Variants in C18orf63 observed in about 807,000 individuals in gnomAD.
C18orf63 encodes the protein chromosome 18 open reading frame 63.
In C18orf63, 50 loss-of-function variants were observed where a neutral mutation model predicts 75.3. The observed-to-expected ratio is 0.66, with a 90% CI of 0.53 to 0.84. The LOEUF is 0.84. C18orf63 is among the 40% of genes least tolerant of loss of function. C18orf63 has a pLI of 0.00. For synonymous variants in C18orf63, 232 were observed against 267.6 expected, an observed-to-expected ratio of 0.87 and a Z score of 1.30; for missense variants, 732 against 800.2, an observed-to-expected ratio of 0.91 and a Z score of 1.03.
chr18:74,352,465 C>G (rs181618984), intron 11 of C18orf63, among the ~76,000 whole-genome samples: 3 of 135,634 alleles, frequency 2.2e-5, no homozygotes, highest in Admixed American at 7.3e-5. Flanking sequence ...ACTGTAAACG[C>G]TTGGCTCTTT....
chr18:74,332,362 A>G (rs1984322048), intron 7 of C18orf63, among the ~76,000 whole-genome samples: 1 of 152,084 alleles, frequency 6.6e-6, no homozygotes, highest in African/African-American at 2.4e-5. Flanking sequence ...CCATGAATGG[A>G]TTAATCCATT....
intron 11 of C18orf63, among the ~76,000 whole-genome samples, chr18:74,352,206 A>G (rs1984678164): frequency 1.3e-5 from 2 of 152,178 alleles, no homozygotes; most frequent in Admixed American, 1.3e-4. Flanking sequence ...AAATTCATAG[A>G]ATAGAAAGTA....
chr18:74,339,493 A>T (rs762495977), intron 8 of C18orf63, among the ~76,000 whole-genome samples: 12 of 152,156 alleles, frequency 7.9e-5, no homozygotes, highest in African/African-American at 1.2e-4. Flanking sequence ...TTAAAATATA[A>T]TACAAATAAA....
chr18:74,354,349 T>TA, intron 12 of C18orf63, 81 bp downstream of exon 12: 1 of 1,297,802 alleles, frequency 7.7e-7, no homozygotes, highest in South Asian at 1.5e-5. Context: ...ATGATTTCCC[T>TA]AAGATCATTT....
intron 4 of C18orf63, among the ~76,000 whole-genome samples, chr18:74,325,945 T>C (rs957074266): frequency 6.6e-6 from 1 of 152,188 alleles, no homozygotes; most frequent in African/African-American, 2.4e-5. Context: ...ACTTCCTCTT[T>C]GCATGCCAAG....
intron 11 of C18orf63, among the ~76,000 whole-genome samples, chr18:74,349,285 C>A (rs530213596): frequency 5.9e-5 from 9 of 152,186 alleles, no homozygotes; most frequent in Non-Finnish European, 1.3e-4. Context: ...AAATGTTCTT[C>A]AATCCAATTT....
Position 74,358,502 on chromosome 18 carries a change from T to G in C18orf63, c.*2055T>G, listed in dbSNP as rs1200507296. On this transcript the variant is annotated 3_prime_UTR_variant, in exon 14 of 14. Coordinates refer to ENST00000579455, the MANE Select transcript of C18orf63 (RefSeq NM_001174123.2). ...AATCAATTAAGATTTTGGTTCATTT[T>G]AAACATTGCAATTTTTGAAAGCCAA... 1.3e-5 allele frequency: 2 copies of G among 152,184 alleles called. No individual in the cohort carries two copies. The highest frequency in any genetic ancestry group is 6.5e-5 in the Admixed American group (1 of 15,284). 9.4% of individuals were successfully genotyped at this position (152,184 alleles called of 1,614,324 possible). A position where few individuals can be genotyped will look rare whatever the true frequency, so the allele number is the denominator to read the frequency against.
chr18:74,350,641 T>G (rs747952668), intron 11 of C18orf63, among the ~76,000 whole-genome samples: 25 of 152,162 alleles, frequency 1.6e-4, no homozygotes, highest in Non-Finnish European at 3.1e-4. Flanking sequence ...ATGTTTCTGT[T>G]CTAATACAAA....
At chr18:74,345,160 C>T (rs1984552236) in intron 11 of C18orf63, among the ~76,000 whole-genome samples, 1 of 152,044 alleles carries the variant, frequency 6.6e-6, no homozygotes, top group Non-Finnish European at 1.5e-5. Flanking sequence ...CATCTTTTCA[C>T]ATGTATTTTG....
chr18:74,334,454 TCTCA>T (rs370133619), intron 7 of C18orf63, among the ~76,000 whole-genome samples: 6 of 152,152 alleles, frequency 3.9e-5, no homozygotes, highest in Admixed American at 1.3e-4. Flanking sequence ...TATGCATTTC[TCTCA>T]CTCAGTAAAT....
intron 8 of C18orf63, among the ~76,000 whole-genome samples, chr18:74,340,927 C>A (rs914341361): frequency 2.0e-5 from 3 of 151,958 alleles, no homozygotes; most frequent in African/African-American, 7.2e-5. Flanking sequence ...AGGATAACTT[C>A]AAAAGATCTG....
intron 11 of C18orf63, among the ~76,000 whole-genome samples, chr18:74,346,105 TTATG>T (rs937705800): frequency 2.6e-5 from 4 of 152,120 alleles, no homozygotes; most frequent in Middle Eastern, 6.3e-3. Context: ...GTTTATAACT[TTATG>T]TATGGGAAGT....
chr18:74,318,789 C>CAA (rs1440958908), intron 2 of C18orf63, among the ~76,000 whole-genome samples: 39 of 93,624 alleles, frequency 4.2e-4, no homozygotes, highest in African/African-American at 1.4e-3. Flanking sequence ...GACTCTGTCT[C>CAA]AGAAAAAAAA....
chr18:74,332,558 CTGGGCATGG>C (rs1984326597), intron 7 of C18orf63, among the ~76,000 whole-genome samples: 1 of 152,038 alleles, frequency 6.6e-6, no homozygotes, highest in African/African-American at 2.4e-5. Flanking sequence ...CAAACATTAG[CTGGGCATGG>C]TGGTGCATTC....
intron 11 of C18orf63, among the ~76,000 whole-genome samples, chr18:74,349,236 T>C (rs1425987389): frequency 6.6e-6 from 1 of 152,216 alleles, no homozygotes; most frequent in Admixed American, 6.5e-5. Flanking sequence ...CACTTCAAAG[T>C]GACTCAGTCC....
intron 7 of C18orf63, among the ~76,000 whole-genome samples, chr18:74,333,624 G>A (rs1034086177): frequency 2.0e-5 from 3 of 152,132 alleles, no homozygotes; most frequent in Non-Finnish European, 4.4e-5. Context: ...CTGCATGAGG[G>A]TAACTGCCCC....
intron 11 of C18orf63, among the ~76,000 whole-genome samples, chr18:74,351,005 A>G (rs990887092): frequency 6.6e-6 from 1 of 152,190 alleles, no homozygotes. Flanking sequence ...CCAGCCTCCA[A>G]AACTGTTGCT....
intron 6 of C18orf63, among the ~76,000 whole-genome samples, chr18:74,329,444 G>C (rs970283092): frequency 2.7e-5 from 4 of 148,824 alleles, no homozygotes; most frequent in African/African-American, 9.9e-5. Context: ...TAATTAGGTT[G>C]TATAAGACCT....
In C18orf63 at chr18:74,353,231, C is replaced by G; in HGVS notation, c.979-15C>G. Reference sequence around the variant, plus strand: ...TTAACATTTTAAATTTTTTTTTAATCTCTATCCTTTTCAGGAACACAAAGT... The same window carrying G: ...TTAACATTTTAAATTTTTTTTTAATGTCTATCCTTTTCAGGAACACAAAGT... On this transcript the variant is annotated splice_polypyrimidine_tract_variant and intron_variant, in intron 11 of 13. Transcript: ENST00000579455. The G allele has an allele frequency of 2.0e-6, 3 of 1,504,934 alleles. No homozygotes were observed. Among genetic ancestry groups the G allele is most frequent in the Non-Finnish European group, 2.7e-6 (3 of 1,124,788 alleles). The allele number at this position is 1,504,934 out of a possible 1,614,324, so 93.2% of individuals were successfully genotyped here. A position where few individuals can be genotyped will look rare whatever the true frequency, so the allele number is the denominator to read the frequency against.
Sources: gnomAD v4.1 joint callset for allele counts (sites outside exome capture counted in the v4.1 genomes callset) on GRCh38, gnomAD v4.1.1 for gene constraint, MANE v1.5 for transcripts, NCBI Gene and HGNC (gene_info 2026-07-23, HGNC 2026-07-21) for gene names.